CBFA2T3: variants seen among roughly 807,000 people sequenced by gnomAD.
The protein encoded by CBFA2T3 is transcriptional corepressor CBFA2T3.
In CBFA2T3, 31 loss-of-function variants were observed where a neutral mutation model predicts 58.6. The observed-to-expected ratio is 0.53, with a 90% CI of 0.40 to 0.71. The LOEUF is 0.71. Among genes scored for constraint, CBFA2T3 ranks in the 30% least tolerant of loss-of-function variants. The pLI is 0.00. For missense variants in CBFA2T3, 1,076 were observed against 963.1 expected (o/e 1.12, Z -1.55); for synonymous variants, 531 against 421.9 (o/e 1.26, Z -3.17).
intron 1 of CBFA2T3, among the ~76,000 whole-genome samples, chr16:88,908,402 G>A (rs1404165517): frequency 6.6e-6 from 1 of 151,944 alleles, no homozygotes; most frequent in Non-Finnish European, 1.5e-5. Flanking sequence ...GCTCCCCGGG[G>A]CCCATGGGAG....
At chr16:88,961,337 C>T (rs1230758905) in intron 1 of CBFA2T3, among the ~76,000 whole-genome samples, 3 of 152,138 alleles carry the variant, frequency 2.0e-5, no homozygotes, top group African/African-American at 4.8e-5. Flanking sequence ...GGCATTCCCA[C>T]CACATAGTGA....
intron 11 of CBFA2T3, among the ~76,000 whole-genome samples, chr16:88,878,102 C>T (rs935858237): frequency 4.6e-5 from 7 of 152,248 alleles, no homozygotes; most frequent in Admixed American, 1.3e-4. Flanking sequence ...CCCGCTCCCC[C>T]GATGCCTGCG....
chr16:88,908,134 G>C (rs939586770), intron 1 of CBFA2T3, among the ~76,000 whole-genome samples: 1 of 152,164 alleles, frequency 6.6e-6, no homozygotes, highest in African/African-American at 2.4e-5. Context: ...TTGAGGTCAG[G>C]AGTTCAGGAT....
chr16:88,956,743 CG>C (rs1319507721), intron 1 of CBFA2T3, among the ~76,000 whole-genome samples: 2 of 152,194 alleles, frequency 1.3e-5, no homozygotes, highest in South Asian at 2.1e-4. Context: ...GCGTGGGCGG[CG>C]GGGGCTGGCA....
Position 88,885,132 on chromosome 16 carries a change from A to G in CBFA2T3, c.1031T>C (p.Leu344Pro), listed in dbSNP as rs773255128. ...PQPTPPPHYR[L>P]EDIAMAHHFR... ...GTGGTGGGCCATGGCTATGTCCTCCAGGCGGTAGTGCGGCGGCGGTGTGGG... is the reference window on the plus strand; with the variant it reads ...GTGGTGGGCCATGGCTATGTCCTCCGGGCGGTAGTGCGGCGGCGGTGTGGG... Residue 344 changes from leucine (L) to proline (P), a missense_variant, in exon 7 of 12, where the codon CTG becomes CCG. Physicochemically the swap from Leu to Pro is moderately conservative, Grantham distance 98. Coordinates refer to ENST00000268679, the MANE Select transcript of CBFA2T3 (RefSeq NM_005187.6). The surrounding 1 kb of genome is among the most constrained non-coding windows in gnomAD (Gnocchi z 5.3). The G allele has an allele frequency of 2.5e-6, 4 of 1,601,392 alleles. No individual in the cohort carries two copies. The East Asian group carries it at 9.0e-5, about 36-fold the overall frequency.
At chr16:88,919,961 C>A (rs1195077700) in intron 1 of CBFA2T3, among the ~76,000 whole-genome samples, 1 of 152,248 alleles carries the variant, frequency 6.6e-6, no homozygotes, top group East Asian at 1.9e-4. Flanking sequence ...AAGCGATTTA[C>A]AAGTGCAGGC....
At chr16:88,890,936 A>G (rs1969606072) in intron 5 of CBFA2T3, among the ~76,000 whole-genome samples, 1 of 151,150 alleles carries the variant, frequency 6.6e-6, no homozygotes, top group Non-Finnish European at 1.5e-5. Flanking sequence ...CTGGTCTTGA[A>G]CTCCTGGCCT....
intron 10 of CBFA2T3, 51 bp from the exon 11 acceptor site, chr16:88,879,511 G>A: frequency 1.3e-6 from 2 of 1,550,980 alleles, no homozygotes. Context: ...TCCCAGATGG[G>A]TCTCTGGACT....
At chr16:88,971,078 G>C (rs565696135) in intron 1 of CBFA2T3, among the ~76,000 whole-genome samples, 1 of 152,148 alleles carries the variant, frequency 6.6e-6, no homozygotes, top group African/African-American at 2.4e-5. Context: ...GTGTGCGCAG[G>C]TGTGATGTGG....
At chr16:88,916,143 G>GGC (rs1970713550) in intron 1 of CBFA2T3, among the ~76,000 whole-genome samples, 2 of 143,594 alleles carry the variant, frequency 1.4e-5, no homozygotes, top group East Asian at 4.1e-4. Flanking sequence ...TGTACATGTG[G>GGC]GTGTGTGTGC....
chr16:88,956,070 C>A (rs887271624), intron 1 of CBFA2T3, among the ~76,000 whole-genome samples: 1 of 152,290 alleles, frequency 6.6e-6, no homozygotes, highest in African/African-American at 2.4e-5. Flanking sequence ...CTGCCAACCC[C>A]CAGGCCTGCC....
rs141875243 is a variant in CBFA2T3, at chr16:88,948,262, T to C, written c.151+28395A>G. Among the ~76,000 whole-genome samples the C allele has an allele frequency of 1.2e-3, 188 of 152,344 alleles. 1 individual carries two copies. In the East Asian group the frequency reaches 0.016, roughly 13 times the overall value. ...TCTGTCCCCCCTCAATTCTGTTTCA[T>C]GCAAAGACAAGAAATCAGCAGGTTG... On this transcript the variant is annotated intron_variant, in intron 1 of 11. Coordinates refer to ENST00000268679, the MANE Select transcript of CBFA2T3 (RefSeq NM_005187.6).
intron 1 of CBFA2T3, chr16:88,902,275 C>T (rs71395337): frequency 0.027 from 4,087 of 152,378 alleles, 83 homozygotes; most frequent in Middle Eastern, 0.047. Flanking sequence ...CTATTTTAAC[C>T]GTCTTCTGCC....
intron 5 of CBFA2T3, 80 bp downstream of exon 5, chr16:88,891,802 G>T (rs755494427): frequency 2.0e-6 from 2 of 980,660 alleles, no homozygotes; most frequent in Non-Finnish European, 1.6e-6. Flanking sequence ...CCTGTCCACC[G>T]CTGTCCACGC....
At chr16:88,901,777 G>T in intron 1 of CBFA2T3, 121 bp from the exon 2 acceptor site, 1 of 848,262 alleles carries the variant, frequency 1.2e-6, no homozygotes, top group South Asian at 2.0e-5. Flanking sequence ...GGGGCAGTCT[G>T]CCCCAGGTGT....
chr16:88,923,775 G>A (rs1252719532), intron 1 of CBFA2T3, among the ~76,000 whole-genome samples: 1 of 152,200 alleles, frequency 6.6e-6, no homozygotes, highest in Non-Finnish European at 1.5e-5. Flanking sequence ...TCCTGGGCTG[G>A]ACACCGGCAC....
chr16:88,884,887 C>A, intron 7 of CBFA2T3, 159 bp downstream of exon 7: 1 of 597,850 alleles, frequency 1.7e-6, no homozygotes, highest in Non-Finnish European at 2.8e-6. Flanking sequence ...AGCCACCGCT[C>A]TGCTCCAGGG....
chr16:88,954,501 G>C lies in CBFA2T3; in HGVS notation c.151+22156C>G, dbSNP rs540447990. On this transcript the variant is annotated intron_variant, in intron 1 of 11. Transcript: ENST00000268679. ...GCCAAGGCTCCTGACCCCGCCCAAG[G>C]CTCCTGACCTCAGCCAAGGCTCCTG... Among the ~76,000 whole-genome samples the C allele has an allele frequency of 2.6e-4, 34 of 132,488 alleles. 2 individuals are homozygous for C. The highest frequency in any genetic ancestry group is 1.1e-3 in the African/African-American group (32 of 29,896). 86.9% of individuals were successfully genotyped at this position (132,488 alleles called of 152,430 possible).
intron 1 of CBFA2T3, among the ~76,000 whole-genome samples, chr16:88,919,538 C>G (rs569263500): frequency 2.0e-5 from 3 of 152,190 alleles, no homozygotes; most frequent in African/African-American, 4.8e-5. Flanking sequence ...CTCAGCCTTA[C>G]GGGTAAGAAG....
Sources: gnomAD v4.1 joint callset for allele counts (sites outside exome capture counted in the v4.1 genomes callset) on GRCh38, gnomAD v4.1.1 for gene constraint, Gnocchi (gnomAD v3.1) non-coding constraint, MANE v1.5 for transcripts, NCBI Gene and HGNC (gene_info 2026-07-23, HGNC 2026-07-21) for gene names.